The following MAPRE2 variants were observed in gnomAD, a reference collection of about 807,000 sequenced individuals.
MAPRE2 encodes the protein microtubule associated protein RP/EB family member 2.
Under a neutral mutation model 43.2 loss-of-function variants are expected in MAPRE2, and 13 were observed. The observed-to-expected ratio is 0.30, with a 90% CI of 0.20 to 0.48. MAPRE2 has a LOEUF of 0.48. MAPRE2 is among the 20% of genes least tolerant of loss of function. The pLI, the probability that MAPRE2 is intolerant of heterozygous loss-of-function variation, is 0.99. For synonymous variants in MAPRE2, 135 were observed against 148.8 expected (o/e 0.91, Z 0.68); for missense variants, 161 against 400.2 (o/e 0.40, Z 5.10).
rs1357870106 is a variant in MAPRE2 at position 35,142,258 on chromosome 18, A to AAAAT, written c.*1891_*1894dup. The AAAAT allele has an allele frequency of 2.0e-5, 3 of 152,296 alleles. No homozygotes were observed. The highest frequency in any genetic ancestry group is 2.0e-4 in the Admixed American group (3 of 15,284). 9.4% of individuals were successfully genotyped at this position (152,296 alleles called of 1,614,324 possible). On this transcript the variant is annotated 3_prime_UTR_variant, in exon 7 of 7. Transcript: ENST00000300249. ...TACTCACTGATCTCTTTAAAAACAA[A>AAAAT]AAATAGCTCTTGTAAAAGGTCACAA...
At chr18:35,001,915 A>C (rs2097029583) in intron 1 of MAPRE2, among the ~76,000 whole-genome samples, 1 of 152,228 alleles carries the variant, frequency 6.6e-6, no homozygotes, top group Non-Finnish European at 1.5e-5. Flanking sequence ...AATTGTAAGA[A>C]ATAATATAGA....
At chr18:35,008,974 G>A (rs1004056699) in intron 2 of MAPRE2, among the ~76,000 whole-genome samples, 1 of 85,532 alleles carries the variant, frequency 1.2e-5, no homozygotes, top group Admixed American at 1.4e-4. Flanking sequence ...GCATGCACGT[G>A]TGTGTGTGTA....
chr18:35,040,760 AAAACCCTCTTTGGGGAT>A (rs377185861), upstream of MAPRE2, among the ~76,000 whole-genome samples: 185 of 152,350 alleles, frequency 1.2e-3, 2 homozygotes, highest in African/African-American at 4.3e-3. Context: ...TTTTAAAAGA[AAAACCCTCTTTGGGGAT>A]TCCTTTGTAC....
chr18:35,065,590 G>C (rs971801779), intron 1 of MAPRE2, among the ~76,000 whole-genome samples: 1 of 151,422 alleles, frequency 6.6e-6, no homozygotes, highest in Non-Finnish European at 1.5e-5. Context: ...GAGTTTCACT[G>C]TCACCCAGGC....
intron 2 of MAPRE2, among the ~76,000 whole-genome samples, chr18:35,085,788 C>T (rs532768920): frequency 2.6e-5 from 4 of 152,158 alleles, no homozygotes; most frequent in East Asian, 1.9e-4. Context: ...CCAACACTGA[C>T]GTTTTGCACA....
intron 2 of MAPRE2, among the ~76,000 whole-genome samples, chr18:35,016,527 T>C (rs968630274): frequency 6.6e-6 from 1 of 152,132 alleles, no homozygotes; most frequent in Non-Finnish European, 1.5e-5. Context: ...GGCATCTCAT[T>C]GTGGTTTTGA....
Position 35,140,404 on chromosome 18 carries a change from GT to G in MAPRE2, c.*36del, listed in dbSNP as rs753946061. 6.4e-4 allele frequency: 999 copies of G among 1,568,704 alleles called. No homozygotes were observed. The highest frequency in any genetic ancestry group is 8.4e-4 in the Non-Finnish European group (966 of 1,152,760). On this transcript the variant is annotated 3_prime_UTR_variant, in exon 7 of 7. Coordinates refer to ENST00000300249, the MANE Select transcript of MAPRE2 (RefSeq NM_014268.4). The stretch of plus-strand genomic sequence containing the variant: ...GCTGCTCTTGACACTTCCATTGTGT[GT>G]GGGAACGTTTCTTCTGGAGAATTGG...
chr18:35,097,409 T>C, intron 2 of MAPRE2, 37 bp from the exon 3 acceptor site: 1 of 1,601,712 alleles, frequency 6.2e-7, no homozygotes, highest in Non-Finnish European at 8.5e-7. Context: ...CTGGGTACAG[T>C]GAGACTCACT....
rs1910692133 is a variant in MAPRE2 at position 35,142,295 on chromosome 18, A to G, written c.*1926A>G. 6.6e-6 allele frequency: 1 copy of G among 152,266 alleles called. No homozygotes were observed. Among genetic ancestry groups the G allele is most frequent in the Non-Finnish European group, 1.5e-5 (1 of 68,076 alleles). 9.4% of individuals were successfully genotyped at this position (152,266 alleles called of 1,614,324 possible). ...GTAAAAGGTCACAATAACTCTATGC[A>G]CCTGATACTGCAGTGGTTCCTAGGC... On this transcript the variant is annotated 3_prime_UTR_variant, in exon 7 of 7. Transcript: ENST00000300249.
intron 1 of MAPRE2, among the ~76,000 whole-genome samples, chr18:34,999,798 G>GT (rs1568967284): frequency 6.6e-6 from 1 of 152,088 alleles, no homozygotes; most frequent in African/African-American, 2.4e-5. Context: ...CGCTCATTTG[G>GT]TTTTTGGTTT....
intron 1 of MAPRE2, among the ~76,000 whole-genome samples, chr18:35,001,879 T>C (rs1158495792): frequency 6.6e-6 from 1 of 152,148 alleles, no homozygotes; most frequent in African/African-American, 2.4e-5. Context: ...ATATATATAT[T>C]TTGAGATGAT....
At chr18:35,131,291 C>A (rs1398725288) in intron 5 of MAPRE2, among the ~76,000 whole-genome samples, 1 of 152,210 alleles carries the variant, frequency 6.6e-6, no homozygotes, top group African/African-American at 2.4e-5. Flanking sequence ...CTCTGTTCTG[C>A]TTCTCTTTCC....
At chr18:35,090,619 C>T (rs948272360) in intron 2 of MAPRE2, among the ~76,000 whole-genome samples, 1 of 151,632 alleles carries the variant, frequency 6.6e-6, no homozygotes, top group Non-Finnish European at 1.5e-5. Flanking sequence ...GTAGTCCCAG[C>T]TACTCAGGAG....
intron 3 of MAPRE2, among the ~76,000 whole-genome samples, chr18:35,098,007 A>G (rs905441926): frequency 1.3e-5 from 2 of 152,134 alleles, no homozygotes; most frequent in African/African-American, 4.8e-5. Context: ...GTCTCAGTTT[A>G]CCCATCTGTA....
intron 2 of MAPRE2, among the ~76,000 whole-genome samples, chr18:35,075,277 G>A (rs1907294697): frequency 6.6e-6 from 1 of 152,202 alleles, no homozygotes; most frequent in African/African-American, 2.4e-5. Flanking sequence ...CATCATTCCT[G>A]AGCCCAGCAG....
In MAPRE2 at chr18:35,133,380, G is replaced by T. The variant is rs532373712; in HGVS notation, c.909+1190G>T. The stretch of plus-strand genomic sequence containing the variant: ...ATGGCTTCATAAAATACGGTTCTCA[G>T]TATTTTCAGATCTGATGGAATAAAC... On this transcript the variant is annotated intron_variant, in intron 6 of 6. Transcript: ENST00000300249. Among the ~76,000 whole-genome samples the T allele has an allele frequency of 1.2e-4, 19 of 152,120 alleles. No homozygotes were observed. In the South Asian group the frequency reaches 3.9e-3, roughly 32 times the overall value.
At chr18:35,037,392 C>G (rs78414729), upstream of MAPRE2, among the ~76,000 whole-genome samples, 775 of 152,274 alleles carry the variant, frequency 5.1e-3, 11 homozygotes, top group African/African-American at 0.017. Flanking sequence ...CCTACTTTAT[C>G]GATGAGGAAA....
At chr18:35,066,726 A>C (rs1292400981) in intron 1 of MAPRE2, among the ~76,000 whole-genome samples, 1 of 152,208 alleles carries the variant, frequency 6.6e-6, no homozygotes, top group African/African-American at 2.4e-5. Context: ...GAGGTTCAGG[A>C]CAGTTCCCCT....
intron 4 of MAPRE2, among the ~76,000 whole-genome samples, chr18:35,109,605 T>C (rs1454223767): frequency 6.6e-6 from 1 of 152,108 alleles, no homozygotes; most frequent in Non-Finnish European, 1.5e-5. Context: ...ATATTCTTTG[T>C]CTTGAAATCT....
Sources: allele counts gnomAD v4.1 joint callset (sites outside exome capture counted in the v4.1 genomes callset), GRCh38; gene constraint gnomAD v4.1.1; transcripts MANE v1.5; gene names NCBI Gene and HGNC (gene_info 2026-07-23, HGNC 2026-07-21).